PRKN: variants seen among roughly 807,000 people sequenced by gnomAD.
PRKN encodes E3 ubiquitin-protein ligase parkin.
Under a neutral mutation model 59.5 loss-of-function variants are expected in PRKN, and 56 were observed. The ratio of observed to expected loss-of-function variants is 0.94; its 90% CI spans 0.76 to 1.18. The LOEUF (loss-of-function observed/expected upper bound fraction) is 1.18, where lower values mean the gene tolerates loss of function less well. Ranked by LOEUF, PRKN falls within the 50% of genes most tolerant of loss-of-function variation. PRKN has a pLI of 0.00. For synonymous variants in PRKN, 250 were observed against 222.1 expected, an observed-to-expected ratio of 1.13 and a Z score of -1.12; for missense variants, 657 against 596.4, an observed-to-expected ratio of 1.10 and a Z score of -1.06.
intron 9 of PRKN, among the ~76,000 whole-genome samples, chr6:161,435,672 TC>T (rs1788846527): frequency 4.0e-5 from 6 of 151,786 alleles, no homozygotes; most frequent in Admixed American, 3.9e-4. Context: ...CCTTCAGAGC[TC>T]TCTTGACTTT....
At chr6:162,281,380 C>T (rs747703400) in intron 2 of PRKN, among the ~76,000 whole-genome samples, 2 of 151,410 alleles carry the variant, frequency 1.3e-5, no homozygotes, top group Non-Finnish European at 2.9e-5. Flanking sequence ...CAAACCTACA[C>T]GTTCAGCACA....
At chr6:162,343,193 A>G (rs758512600) in intron 2 of PRKN, among the ~76,000 whole-genome samples, 7 of 152,234 alleles carry the variant, frequency 4.6e-5, no homozygotes, top group Non-Finnish European at 1.0e-4. Context: ...ATCAACTTGA[A>G]AAAAGATGCA....
intron 1 of PRKN, chr6:162,644,046 C>G (rs77999446): frequency 0.08 from 12,138 of 152,250 alleles, 663 homozygotes; most frequent in East Asian, 0.3. Flanking sequence ...GAAATTCTCC[C>G]AAGCCCAGCT....
intron 6 of PRKN, among the ~76,000 whole-genome samples, chr6:161,850,661 G>A (rs781298909): frequency 9.3e-5 from 14 of 150,992 alleles, no homozygotes; most frequent in South Asian, 6.3e-4. Flanking sequence ...GCTTCTTCCC[G>A]TTCAGTAATA....
rs552230004 is a variant in PRKN at position 161,893,929 on chromosome 6, C to T, written c.734+79373G>A. Among the ~76,000 whole-genome samples the T allele has an allele frequency of 1.6e-4, 24 of 152,324 alleles. No individual in the cohort carries two copies. The South Asian group carries it at 4.4e-3, about 28-fold the overall frequency. The stretch of plus-strand genomic sequence containing the variant: ...CTCTCCACTGCCAAACATTTTGGCA[C>T]ACGATTTGTCACAAAGAAGAACACA... On this transcript the variant is annotated intron_variant, in intron 6 of 11. Coordinates refer to ENST00000366898, the MANE Select transcript of PRKN (RefSeq NM_004562.3).
chr6:161,550,407 A>C lies in PRKN; in HGVS notation c.934-1404T>G, dbSNP rs1450814884. On this transcript the variant is annotated intron_variant, in intron 8 of 11. Transcript: ENST00000366898. This position sits in a 1 kb window ranked among gnomAD's most constrained non-coding sequence, Gnocchi z 4.0. ...ACATCCACCTGGCTGCTATGTTCGG[A>C]ATACCCTCTGGAGGGCCAGGGTGTA... Among the ~76,000 whole-genome samples the C allele has an allele frequency of 6.6e-6, 1 of 152,190 alleles. No individual in the cohort carries two copies. The highest frequency in any genetic ancestry group is 1.9e-4 in the East Asian group (1 of 5,196).
chr6:161,957,725 T>C (rs1271024785), intron 6 of PRKN, among the ~76,000 whole-genome samples: 3 of 151,836 alleles, frequency 2.0e-5, no homozygotes, highest in African/African-American at 4.8e-5. Context: ...GCCCAGCCCA[T>C]GTCTTCTCTT....
At chr6:161,522,655 G>T (rs1382740259) in intron 9 of PRKN, among the ~76,000 whole-genome samples, 1 of 152,260 alleles carries the variant, frequency 6.6e-6, no homozygotes, top group East Asian at 1.9e-4. Flanking sequence ...CTGTCTTGAG[G>T]CTAGAGAAAG....
intron 1 of PRKN, among the ~76,000 whole-genome samples, chr6:162,668,479 G>A (rs1346458871): frequency 1.3e-5 from 2 of 152,064 alleles, no homozygotes; most frequent in Non-Finnish European, 2.9e-5. Context: ...ATGGCTAGAA[G>A]AGAATGCCAG....
At chr6:161,650,585 C>T (rs1017694298) in intron 7 of PRKN, among the ~76,000 whole-genome samples, 7 of 151,978 alleles carry the variant, frequency 4.6e-5, no homozygotes, top group African/African-American at 1.7e-4. Flanking sequence ...AAATGGAGAC[C>T]GAGAGAGATT....
chr6:162,390,957 T>C (rs1787152951), intron 2 of PRKN, among the ~76,000 whole-genome samples: 1 of 152,190 alleles, frequency 6.6e-6, no homozygotes, highest in Non-Finnish European at 1.5e-5. Context: ...AAATATTTGA[T>C]AAGGACCACA....
At chr6:162,374,831 T>C (rs1785971420) in intron 2 of PRKN, among the ~76,000 whole-genome samples, 3 of 152,086 alleles carry the variant, frequency 2.0e-5, no homozygotes, top group African/African-American at 7.2e-5. Flanking sequence ...GAGTTTGAAA[T>C]ATGGTTTCTG....
rs1344207345 is a variant in PRKN at position 161,391,546 on chromosome 6, A to G, written c.1084-4669T>C. ...CCCTTATAGATTTGGTTAGAAGGCA[A>G]TCAAACACATGGACTGTATTATAGT... On this transcript the variant is annotated intron_variant, in intron 9 of 11. Coordinates refer to ENST00000366898, the MANE Select transcript of PRKN (RefSeq NM_004562.3). The surrounding 1 kb of genome is among the most constrained non-coding windows in gnomAD (Gnocchi z 4.9). 1.3e-5 allele frequency among the ~76,000 whole-genome samples: 2 copies of G among 152,038 alleles called. No homozygotes were observed. The highest frequency in any genetic ancestry group is 2.9e-5 in the Non-Finnish European group (2 of 68,028).
chr6:162,091,606 G>A lies in PRKN; in HGVS notation c.535-37432C>T, dbSNP rs114203121. Among the ~76,000 whole-genome samples the A allele has an allele frequency of 2.5e-3, 388 of 152,260 alleles. 2 individuals carry two copies. The highest frequency in any genetic ancestry group is 9.1e-3 in the African/African-American group (378 of 41,552). On this transcript the variant is annotated intron_variant, in intron 4 of 11. Transcript: ENST00000366898. Reference sequence around the variant, plus strand: ...GACAGGTGAACTCTCTGCAGGCACCGATCGTCTGGTTTTCTAAAAGTATAC... The same window carrying A: ...GACAGGTGAACTCTCTGCAGGCACCAATCGTCTGGTTTTCTAAAAGTATAC...
At chr6:161,749,764 C>T (rs1038419908) in intron 7 of PRKN, among the ~76,000 whole-genome samples, 26 of 152,058 alleles carry the variant, frequency 1.7e-4, no homozygotes, top group African/African-American at 6.0e-4. Context: ...ACTCCCCTGG[C>T]GAGGCTCTGT....
At chr6:162,059,349 T>C (rs1307620448) in intron 4 of PRKN, among the ~76,000 whole-genome samples, 3 of 152,200 alleles carry the variant, frequency 2.0e-5, no homozygotes, top group Non-Finnish European at 4.4e-5. Context: ...TTTATGCAGC[T>C]GCTCACACTA....
chr6:161,389,340 ATCTCTTCAG>A (rs1418511393), intron 9 of PRKN, among the ~76,000 whole-genome samples: 3 of 152,344 alleles, frequency 2.0e-5, no homozygotes, highest in Admixed American at 6.5e-5. Context: ...TAAGGAAACA[ATCTCTTCAG>A]AGATATGCCA....
At chr6:162,248,009 A>G (rs952432127) in intron 3 of PRKN, among the ~76,000 whole-genome samples, 10 of 152,148 alleles carry the variant, frequency 6.6e-5, no homozygotes, top group African/African-American at 2.4e-4. Context: ...ATTCAACAAT[A>G]TACTTTATAC....
intron 1 of PRKN, among the ~76,000 whole-genome samples, chr6:162,680,484 A>G (rs1779730706): frequency 5.3e-5 from 8 of 151,942 alleles, no homozygotes; most frequent in Admixed American, 5.3e-4. Context: ...TTTAATTCCC[A>G]CTGCAATTTT....
Sources: allele counts gnomAD v4.1 joint callset (sites outside exome capture counted in the v4.1 genomes callset), GRCh38; gene constraint gnomAD v4.1.1; non-coding constraint Gnocchi (gnomAD v3.1); transcripts MANE v1.5; gene names NCBI Gene and HGNC (gene_info 2026-07-23, HGNC 2026-07-21).